Variants in BCAS3 observed in about 807,000 individuals in gnomAD.
The protein encoded by BCAS3 is BCAS3 microtubule associated cell migration factor.
In BCAS3, 53 loss-of-function variants were observed where a neutral mutation model predicts 116.1. The observed-to-expected ratio is 0.46, with a 90% CI of 0.37 to 0.57. BCAS3 has a LOEUF of 0.57. BCAS3 is among the 20% of genes least tolerant of loss of function. BCAS3 has a pLI of 0.00. For synonymous variants in BCAS3, 391 were observed against 408.2 expected, an observed-to-expected ratio of 0.96 and a Z score of 0.51; for missense variants, 917 against 1,165.4, an observed-to-expected ratio of 0.79 and a Z score of 3.10.
chr17:61,041,229 G>C lies in BCAS3; in HGVS notation c.2029+337G>C, dbSNP rs886315483. The stretch of plus-strand genomic sequence containing the variant: ...AAAAGTTTCATAAAGCTTGGAATCT[G>C]TTTCTAACATGGAAAAAAAAAAACC... On this transcript the variant is annotated intron_variant, in intron 19 of 23. Transcript: ENST00000407086. The surrounding 1 kb of genome is among the most constrained non-coding windows in gnomAD (Gnocchi z 4.7). Among the ~76,000 whole-genome samples the C allele has an allele frequency of 6.7e-6, 1 of 149,428 alleles. No individual in the cohort carries two copies. Among genetic ancestry groups the C allele is most frequent in the East Asian group, 1.9e-4 (1 of 5,156 alleles).
Position 61,068,508 on chromosome 17 carries a change from AT to A in BCAS3, c.2030-6410del, listed in dbSNP as rs2070972572. Among the ~76,000 whole-genome samples the A allele has an allele frequency of 1.3e-5, 2 of 152,252 alleles. No homozygotes were observed. The highest frequency in any genetic ancestry group is 4.1e-4 in the South Asian group (2 of 4,822). On this transcript the variant is annotated intron_variant, in intron 19 of 23. Transcript: ENST00000407086. This position sits in a 1 kb window ranked among gnomAD's most constrained non-coding sequence, Gnocchi z 4.3. Reference sequence around the variant, plus strand: ...CAGTTGTCTGGACTATGTCCATATTATTCTTGTACATGTATGAAACATTCTT... The same window carrying A: ...CAGTTGTCTGGACTATGTCCATATTATCTTGTACATGTATGAAACATTCTT...
chr17:61,305,677 C>A (rs1200641524), intron 22 of BCAS3, among the ~76,000 whole-genome samples: 1 of 152,136 alleles, frequency 6.6e-6, no homozygotes, highest in Non-Finnish European at 1.5e-5. Flanking sequence ...GGGCGGATCA[C>A]CTGAGGTCAG....
chr17:61,192,938 G>A (rs557880839), intron 22 of BCAS3, among the ~76,000 whole-genome samples: 1 of 152,340 alleles, frequency 6.6e-6, no homozygotes, highest in African/African-American at 2.4e-5. Context: ...TTGAGATACT[G>A]AGTAGCCCAG....
intron 14 of BCAS3, among the ~76,000 whole-genome samples, chr17:60,978,414 A>G (rs188915716): frequency 4.4e-4 from 67 of 151,124 alleles, no homozygotes; most frequent in African/African-American, 1.6e-3. Flanking sequence ...CCTTTGTGAG[A>G]TGAGTAGGTT....
rs930160320 is a variant in BCAS3, at chr17:61,189,457, G to A, written c.2425+104893G>A. 6.6e-6 allele frequency among the ~76,000 whole-genome samples: 1 copy of A among 152,128 alleles called. No homozygotes were observed. ...TTATATCCTATAAGGATGGAGAAGG[G>A]TCTTAGGCAGAAGAGGAGTGACAGC... is the stretch of plus-strand genomic sequence containing the variant. On this transcript the variant is annotated intron_variant, in intron 22 of 23. Coordinates refer to ENST00000407086, the MANE Select transcript of BCAS3 (RefSeq NM_017679.5). This position sits in a 1 kb window ranked among gnomAD's most constrained non-coding sequence, Gnocchi z 4.5.
chr17:60,892,319 T>G (rs2057215307), intron 10 of BCAS3, among the ~76,000 whole-genome samples: 1 of 151,750 alleles, frequency 6.6e-6, no homozygotes, highest in African/African-American at 2.4e-5. Flanking sequence ...CTTATTTTTT[T>G]TTTTTTTTTT....
At chr17:61,247,272 G>GTATT (rs2048045806) in intron 22 of BCAS3, among the ~76,000 whole-genome samples, 1 of 152,040 alleles carries the variant, frequency 6.6e-6, no homozygotes, top group South Asian at 2.1e-4. Flanking sequence ...TTTTCTTATA[G>GTATT]TATTCTATAA....
chr17:60,860,744 G>T (rs537590097), intron 7 of BCAS3, among the ~76,000 whole-genome samples: 25 of 152,202 alleles, frequency 1.6e-4, no homozygotes, highest in Non-Finnish European at 2.8e-4. Context: ...TATTGAATAG[G>T]GAGTTTTTTC....
intron 7 of BCAS3, among the ~76,000 whole-genome samples, chr17:60,822,731 G>T (rs946077731): frequency 6.6e-6 from 1 of 152,184 alleles, no homozygotes; most frequent in African/African-American, 2.4e-5. Context: ...TTCCAGGTCA[G>T]ACCTATCAGT....
At chr17:60,940,442 C>T (rs1380694486) in intron 13 of BCAS3, among the ~76,000 whole-genome samples, 1 of 152,108 alleles carries the variant, frequency 6.6e-6, no homozygotes, top group Non-Finnish European at 1.5e-5. Flanking sequence ...CATATGGAGA[C>T]TTTGGGACCT....
chr17:61,092,038 C>T (rs1297787959), intron 22 of BCAS3, among the ~76,000 whole-genome samples: 1 of 152,192 alleles, frequency 6.6e-6, no homozygotes, highest in African/African-American at 2.4e-5. Flanking sequence ...CTACCAGTGA[C>T]CTAGAGGTAA....
At chr17:61,262,168 C>G (rs1301161246) in intron 22 of BCAS3, among the ~76,000 whole-genome samples, 2 of 151,902 alleles carry the variant, frequency 1.3e-5, no homozygotes, top group African/African-American at 4.8e-5. Context: ...AGCAACATTG[C>G]TGGATACAGA....
At position 61,012,185 on chromosome 17, in the gene BCAS3, T is replaced by G. The variant is rs570324449; in HGVS notation, c.1487-3566T>G. Among the ~76,000 whole-genome samples the G allele has an allele frequency of 6.6e-6, 1 of 152,086 alleles. No homozygotes were observed. The highest frequency in any genetic ancestry group is 2.1e-4 in the South Asian group (1 of 4,834). ...TTTGTTAATATGTCTTTCTGTAACA[T>G]TACATTATGAACTCTTTGAAAGTCC... On this transcript the variant is annotated intron_variant, in intron 15 of 23. Coordinates refer to ENST00000407086, the MANE Select transcript of BCAS3 (RefSeq NM_017679.5). This position sits in a 1 kb window ranked among gnomAD's most constrained non-coding sequence, Gnocchi z 4.5.
At chr17:61,090,238 A>C (rs1400732459) in intron 22 of BCAS3, among the ~76,000 whole-genome samples, 6 of 152,218 alleles carry the variant, frequency 3.9e-5, no homozygotes, top group Non-Finnish European at 8.8e-5. Flanking sequence ...AGAAATATTA[A>C]GATATTTTTT....
intron 22 of BCAS3, among the ~76,000 whole-genome samples, chr17:61,116,513 C>G (rs1045287028): frequency 1.3e-5 from 2 of 152,126 alleles, no homozygotes; most frequent in Non-Finnish European, 2.9e-5. Flanking sequence ...TCAACTCTCA[C>G]ACATAATTTA....
chr17:60,927,488 C>G (rs1016557235), intron 13 of BCAS3, among the ~76,000 whole-genome samples: 3 of 152,142 alleles, frequency 2.0e-5, no homozygotes, highest in Non-Finnish European at 2.9e-5. Context: ...ATCTGTTGAC[C>G]TCGTGATCCA....
In BCAS3 at chr17:61,108,626, A is replaced by G. The variant is rs186393084; in HGVS notation, c.2425+24062A>G. ...GTGGTTTTTTTTTTTTTTAATTTCA[A>G]TAGGCTTTTGGGGAACAGGTGGTGT... On this transcript the variant is annotated intron_variant, in intron 22 of 23. Coordinates refer to ENST00000407086, the MANE Select transcript of BCAS3 (RefSeq NM_017679.5). 1.3e-3 allele frequency among the ~76,000 whole-genome samples: 186 copies of G among 146,860 alleles called. 1 individual carries two copies. The highest frequency in any genetic ancestry group is 3.9e-3 in the African/African-American group (154 of 39,840).
chr17:60,992,230 A>T lies in BCAS3; in HGVS notation c.1486+1995A>T, dbSNP rs73991407. On this transcript the variant is annotated intron_variant, in intron 15 of 23. Transcript: ENST00000407086. ...CACACACACACACACACACACACAC[A>T]CTCTGTAGGAAGCTTAAAGATAGAC... Among the ~76,000 whole-genome samples, 493 of 147,186 alleles carry T rather than the reference A, an allele frequency of 3.3e-3. 5 individuals are homozygous for T. Among genetic ancestry groups the T allele is most frequent in the African/African-American group, 0.012 (452 of 38,802 alleles).
chr17:60,717,413 G>A (rs1299282274), intron 5 of BCAS3, among the ~76,000 whole-genome samples: 1 of 151,662 alleles, frequency 6.6e-6, no homozygotes, highest in Non-Finnish European at 1.5e-5. Context: ...ACGGGGTTTC[G>A]CCATGTTGTC....
Sources: gnomAD v4.1 joint callset for allele counts (sites outside exome capture counted in the v4.1 genomes callset) on GRCh38, gnomAD v4.1.1 for gene constraint, Gnocchi (gnomAD v3.1) non-coding constraint, MANE v1.5 for transcripts, NCBI Gene and HGNC (gene_info 2026-07-23, HGNC 2026-07-21) for gene names.